Variants in ATG2B observed in about 807,000 individuals in gnomAD.
ATG2B encodes autophagy related 2B.
A neutral mutation model predicts 241.3 loss-of-function variants in ATG2B; 121 were observed. The observed-to-expected ratio is 0.50, with a 90% CI of 0.43 to 0.58. The LOEUF (loss-of-function observed/expected upper bound fraction) is 0.58, where lower values mean the gene tolerates loss of function less well. Ranked by LOEUF, ATG2B falls within the 20% of genes least tolerant of loss-of-function variation. The pLI is 0.00. For synonymous variants in ATG2B, 858 were observed against 876.6 expected (o/e 0.98, Z 0.37); for missense variants, 2,306 against 2,491.6 (o/e 0.93, Z 1.59).
chr14:96,316,453 G>C (rs1887315487), intron 21 of ATG2B, 80 bp downstream of exon 21: 12 of 1,403,152 alleles, frequency 8.6e-6, no homozygotes, highest in Non-Finnish European at 7.9e-6. Context: ...CCAAAGTTCT[G>C]TTCTCAATAG....
intron 1 of ATG2B, among the ~76,000 whole-genome samples, chr14:96,354,918 ATT>A (rs1384203146): frequency 1.3e-5 from 2 of 151,954 alleles, no homozygotes; most frequent in Non-Finnish European, 2.9e-5. Flanking sequence ...TTTTTTCCAC[ATT>A]TGTTGGTCAC....
Position 96,290,127 on chromosome 14 carries a change from TACA to T in ATG2B, c.5856+306_5856+308del. 1 of 1,245,986 alleles carries T rather than the reference TACA, an allele frequency of 8.0e-7. No individual in the cohort carries two copies. Among genetic ancestry groups the T allele is most frequent in the African/African-American group, 1.5e-5 (1 of 65,894 alleles). The allele number at this position is 1,245,986 out of a possible 1,614,324, so 77.2% of individuals were successfully genotyped here. ...TGATCTTTAATACTTCTGTTTAATC[TACA>T]ACGCCTTCTTCAAATTTAGCTACGA... On this transcript the variant is annotated intron_variant, in intron 40 of 41. Transcript: ENST00000359933. This position sits in a 1 kb window ranked among gnomAD's most constrained non-coding sequence, Gnocchi z 4.4.
chr14:96,350,479 A>G (rs541081413), intron 1 of ATG2B, among the ~76,000 whole-genome samples: 1 of 152,378 alleles, frequency 6.6e-6, no homozygotes, highest in South Asian at 2.1e-4. Flanking sequence ...TAATATTTAA[A>G]GTACTAGTGA....
rs1595336937 is a variant in ATG2B at position 96,355,314 on chromosome 14, A to G, written c.162+7501T>C. Reference sequence around the variant, plus strand: ...ATTCATCTTGAGCTGATTTTTGTATATGGTGTAAGGAAGGGGTCCAGTTTC... The same window carrying G: ...ATTCATCTTGAGCTGATTTTTGTATGTGGTGTAAGGAAGGGGTCCAGTTTC... On this transcript the variant is annotated intron_variant, in intron 1 of 41. Transcript: ENST00000359933. Among the ~76,000 whole-genome samples, 3 of 152,026 alleles carry G rather than the reference A, an allele frequency of 2.0e-5. No homozygotes were observed. The East Asian group carries it at 5.8e-4, about 29-fold the overall frequency.
intron 6 of ATG2B, among the ~76,000 whole-genome samples, chr14:96,339,394 T>C (rs1444915774): frequency 1.3e-5 from 2 of 151,860 alleles, no homozygotes; most frequent in Non-Finnish European, 2.9e-5. Context: ...TACACACATG[T>C]GTATATATGT....
At position 96,282,074 on chromosome 14, in the gene ATG2B, A is replaced by C. The variant is rs1886214176; in HGVS notation, c.*3681T>G. Reference sequence around the variant, plus strand: ...ATGATCCTGAAATGTTGAGATAAAAAGAAGTTGGCATTAAAGCACTATTTG... The same window carrying C: ...ATGATCCTGAAATGTTGAGATAAAACGAAGTTGGCATTAAAGCACTATTTG... On this transcript the variant is annotated 3_prime_UTR_variant, in exon 42 of 42. Transcript: ENST00000359933. The C allele has an allele frequency of 6.6e-6, 1 of 152,248 alleles. No individual in the cohort carries two copies. Among genetic ancestry groups the C allele is most frequent in the Non-Finnish European group, 1.5e-5 (1 of 68,044 alleles). 9.4% of individuals were successfully genotyped at this position (152,248 alleles called of 1,614,324 possible). A position where few individuals can be genotyped will look rare whatever the true frequency, so the allele number is the denominator to read the frequency against.
At chr14:96,313,736 T>A (rs754226107) in intron 23 of ATG2B, among the ~76,000 whole-genome samples, 3 of 152,156 alleles carry the variant, frequency 2.0e-5, no homozygotes, top group Non-Finnish European at 4.4e-5. Context: ...TTTAAAAGTA[T>A]TTGCAAAATT....
Position 96,311,548 on chromosome 14 carries a change from T to C in ATG2B, c.3984A>G (p.Gly1328=), listed in dbSNP as rs755060137. The stretch of plus-strand genomic sequence containing the variant: ...ATTTATTTTAATAACTCACTTGCTC[T>C]CCATCAGAATCAGACTTCACTGCAG... ...TITAVKSDSD[G]EQTEPRFELH... The change falls in exon 27 of 42, where the codon GGA becomes GGG. Residue 1328 remains glycine, a synonymous_variant. Coordinates refer to ENST00000359933, the MANE Select transcript of ATG2B (RefSeq NM_018036.7). 46 of 1,600,346 alleles carry C rather than the reference T, an allele frequency of 2.9e-5. No individual in the cohort carries two copies. The highest frequency in any genetic ancestry group is 3.8e-5 in the Non-Finnish European group (44 of 1,170,468).
In ATG2B at chr14:96,325,857, T is replaced by A. The variant is rs372166077; in HGVS notation, c.2229A>T (p.Val743=). 1 of 1,614,056 alleles carries A rather than the reference T, an allele frequency of 6.2e-7. No individual in the cohort carries two copies. Among genetic ancestry groups the A allele is most frequent in the East Asian group, 2.2e-5 (1 of 44,844 alleles). ...GGTTTAATGCTGGTGTGGCAACTTGTACTGATATCCGACAATTTGCAGGAC... is the reference window on the plus strand; with the variant it reads ...GGTTTAATGCTGGTGTGGCAACTTGAACTGATATCCGACAATTTGCAGGAC... ...SHSPANCRIS[V]QVATPALNLS... is the part of the protein sequence containing the mutation. Residue 743 remains valine, a synonymous_variant, in exon 15 of 42, where the codon GTA becomes GTT. Coordinates refer to ENST00000359933, the MANE Select transcript of ATG2B (RefSeq NM_018036.7).
intron 27 of ATG2B, 58 bp from the exon 28 acceptor site, chr14:96,311,345 T>C (rs1227252746): frequency 1.3e-6 from 2 of 1,503,334 alleles, no homozygotes; most frequent in East Asian, 4.6e-5. Context: ...AAAAGTTTCT[T>C]TTTTTGCATA....
chr14:96,290,291 A>T lies in ATG2B; in HGVS notation c.5856+145T>A. 1.2e-5 allele frequency: 15 copies of T among 1,284,154 alleles called. No homozygotes were observed. Among genetic ancestry groups the T allele is most frequent in the Non-Finnish European group, 1.6e-5 (15 of 954,328 alleles). The allele number at this position is 1,284,154 out of a possible 1,614,324, so 79.5% of individuals were successfully genotyped here. ...TTTAACACTAAACATTTAAGCAATA[A>T]AACAAGCATGACATTAAATCACTAC... is the stretch of plus-strand genomic sequence containing the variant. On this transcript the variant is annotated intron_variant, in intron 40 of 41. Coordinates refer to ENST00000359933, the MANE Select transcript of ATG2B (RefSeq NM_018036.7). The surrounding 1 kb of genome is among the most constrained non-coding windows in gnomAD (Gnocchi z 4.4).
Position 96,285,919 on chromosome 14 carries a change from T to G in ATG2B, c.6073A>C (p.Thr2025Pro). ...AAREHESRGV[T>P]GAVGEVLRQI... Reference sequence around the variant, plus strand: ...CGCAGAACCTCGCCCACGGCACCAGTCACCCCTCTGCTCTCGTGTTCTCGA... The same window carrying G: ...CGCAGAACCTCGCCCACGGCACCAGGCACCCCTCTGCTCTCGTGTTCTCGA... The change falls in exon 42 of 42, where the codon ACT becomes CCT. Residue 2025 changes from threonine to proline, a missense_variant. By Grantham distance (38) the Thr-to-Pro change is conservative. Transcript: ENST00000359933. This position sits in a 1 kb window ranked among gnomAD's most constrained non-coding sequence, Gnocchi z 4.2. The G allele has an allele frequency of 6.2e-7, 1 of 1,614,028 alleles. No individual in the cohort carries two copies. Among genetic ancestry groups the G allele is most frequent in the Non-Finnish European group, 8.5e-7 (1 of 1,180,026 alleles).
Position 96,294,968 on chromosome 14 carries a change from C to T in ATG2B, c.5418G>A (p.Val1806=), listed in dbSNP as rs1233861312. 5 of 1,613,768 alleles carry T rather than the reference C, an allele frequency of 3.1e-6. No individual in the cohort carries two copies. In the Middle Eastern group the frequency reaches 4.9e-4, roughly 160 times the overall value. ...AEEASFRDQP[V]FFREFRFTSE... is the part of the protein sequence containing the mutation. ...AAAACTAAATTAGTTACCTAAAAAACACAGGCTGATCCCTAAAAGATGCTT... is the reference window on the plus strand; with the variant it reads ...AAAACTAAATTAGTTACCTAAAAAATACAGGCTGATCCCTAAAAGATGCTT... The change falls in exon 36 of 42, where the codon GTG becomes GTA. Residue 1806 remains valine, a synonymous_variant. Coordinates refer to ENST00000359933, the MANE Select transcript of ATG2B (RefSeq NM_018036.7).
At chr14:96,344,903 C>A in intron 3 of ATG2B, 147 bp from the exon 4 acceptor site, 1 of 503,138 alleles carries the variant, frequency 2.0e-6, no homozygotes, top group African/African-American at 2.0e-5. Flanking sequence ...TCCTTAAATC[C>A]TGAGTTTTGT....
intron 18 of ATG2B, among the ~76,000 whole-genome samples, chr14:96,319,568 A>G (rs1259412062): frequency 6.6e-6 from 1 of 152,040 alleles, no homozygotes; most frequent in Non-Finnish European, 1.5e-5. Flanking sequence ...GTTGGTTATA[A>G]CTCCTGCTCA....
intron 41 of ATG2B, among the ~76,000 whole-genome samples, chr14:96,288,876 T>C (rs1886408962): frequency 6.6e-6 from 1 of 151,038 alleles, no homozygotes; most frequent in Admixed American, 6.6e-5. Context: ...GCTTAATACA[T>C]GTCGAGATTC....
At chr14:96,291,272 ATAAGAT>A (rs762257677) in intron 38 of ATG2B, among the ~76,000 whole-genome samples, 1 of 152,224 alleles carries the variant, frequency 6.6e-6, no homozygotes, top group Non-Finnish European at 1.5e-5. Flanking sequence ...AGGCTTTGGC[ATAAGAT>A]TAACCCAAAG....
At chr14:96,338,763 C>G (rs1344066961) in intron 6 of ATG2B, among the ~76,000 whole-genome samples, 1 of 151,970 alleles carries the variant, frequency 6.6e-6, no homozygotes, top group East Asian at 1.9e-4. Context: ...TCAGTGAATG[C>G]AACAAAAACA....
In ATG2B at chr14:96,363,160, G is replaced by T. The variant is rs1037653432; in HGVS notation, c.-184C>A. 43 of 630,548 alleles carry T rather than the reference G, an allele frequency of 6.8e-5. 1 individual carries two copies. The East Asian group carries it at 1.1e-3, about 17-fold the overall frequency. 39.1% of individuals were successfully genotyped at this position (630,548 alleles called of 1,614,324 possible). ...GCGCCGCACCGCTCGCGCTGGGCCT[G>T]GCGGAGGCAAGACGCAGAGGGGTCC... On this transcript the variant is annotated 5_prime_UTR_variant, in exon 1 of 42. Coordinates refer to ENST00000359933, the MANE Select transcript of ATG2B (RefSeq NM_018036.7).
Sources: allele counts gnomAD v4.1 joint callset (sites outside exome capture counted in the v4.1 genomes callset), GRCh38; gene constraint gnomAD v4.1.1; non-coding constraint Gnocchi (gnomAD v3.1); transcripts MANE v1.5; gene names NCBI Gene and HGNC (gene_info 2026-07-23, HGNC 2026-07-21).